FILIP1: variants seen among roughly 807,000 people sequenced by gnomAD.
The protein encoded by FILIP1 is filamin A interacting protein 1.
FILIP1 carries 61 observed loss-of-function variants against 102.1 expected under a neutral mutation model. The observed-to-expected ratio is 0.60, with a 90% CI of 0.49 to 0.74. The LOEUF is 0.74. Among genes scored for constraint, FILIP1 ranks in the 30% least tolerant of loss-of-function variants. The probability of loss-of-function intolerance (pLI) is 0.00; values close to 1 mark genes in which losing one functional copy is unlikely to be tolerated. For synonymous variants in FILIP1, 491 were observed against 526.9 expected (o/e 0.93, Z 0.93); for missense variants, 1,314 against 1,441.2 (o/e 0.91, Z 1.43).
At chr6:75,460,303 A>G (rs1381267320) in intron 1 of FILIP1, among the ~76,000 whole-genome samples, 1 of 152,244 alleles carries the variant, frequency 6.6e-6, no homozygotes, top group Non-Finnish European at 1.5e-5. Flanking sequence ...TACTCTCCCT[A>G]GAATTTAGTA....
At chr6:75,366,887 CCTGA>C (rs1775358404) in intron 2 of FILIP1, among the ~76,000 whole-genome samples, 1 of 152,056 alleles carries the variant, frequency 6.6e-6, no homozygotes, top group African/African-American at 2.4e-5. Context: ...ATTTAATCTC[CCTGA>C]CTGTTTCCTT....
downstream of FILIP1, among the ~76,000 whole-genome samples, chr6:75,304,136 G>A (rs1304865708): frequency 4.6e-5 from 7 of 152,108 alleles, no homozygotes; most frequent in South Asian, 1.4e-3. Context: ...TTTTGAAGGG[G>A]GAAATGTGGT....
intron 2 of FILIP1, among the ~76,000 whole-genome samples, chr6:75,368,246 C>G (rs1043908222): frequency 1.3e-5 from 2 of 152,104 alleles, no homozygotes; most frequent in African/African-American, 4.8e-5. Context: ...GAAGCTGATT[C>G]AAAACATGTG....
At chr6:75,343,346 T>C (rs565043886) in intron 4 of FILIP1, among the ~76,000 whole-genome samples, 74 of 152,344 alleles carry the variant, frequency 4.9e-4, no homozygotes, top group African/African-American at 1.7e-3. Flanking sequence ...TAAGATACTC[T>C]TGGACTCCAC....
At chr6:75,403,164 G>C (rs1776712693) in intron 2 of FILIP1, among the ~76,000 whole-genome samples, 1 of 152,106 alleles carries the variant, frequency 6.6e-6, no homozygotes, top group African/African-American at 2.4e-5. Context: ...GCATTGGGGA[G>C]CAAGTCATTA....
At chr6:75,445,069 C>T (rs1396248200) in intron 1 of FILIP1, among the ~76,000 whole-genome samples, 2 of 152,090 alleles carry the variant, frequency 1.3e-5, no homozygotes, top group South Asian at 2.1e-4. Context: ...TAGTAGGCTA[C>T]GCATTCTGAC....
intron 1 of FILIP1, among the ~76,000 whole-genome samples, chr6:75,421,260 A>G (rs952225905): frequency 6.6e-6 from 1 of 152,152 alleles, no homozygotes; most frequent in Admixed American, 6.6e-5. Flanking sequence ...ACAATTTTGC[A>G]GGATGGAAAG....
intron 1 of FILIP1, among the ~76,000 whole-genome samples, chr6:75,422,764 A>T (rs1777508924): frequency 6.6e-6 from 1 of 152,168 alleles, no homozygotes; most frequent in South Asian, 2.1e-4. Context: ...GCATTGTTGA[A>T]ATTTGCCATT....
intron 1 of FILIP1, among the ~76,000 whole-genome samples, chr6:75,431,135 C>T (rs552724809): frequency 1.5e-4 from 23 of 152,160 alleles, no homozygotes; most frequent in African/African-American, 4.6e-4. Context: ...TGAGCCTTGG[C>T]GGTAGCCATG....
At chr6:75,381,748 T>A (rs1775911724) in intron 2 of FILIP1, among the ~76,000 whole-genome samples, 1 of 152,136 alleles carries the variant, frequency 6.6e-6, no homozygotes, top group African/African-American at 2.4e-5. Flanking sequence ...AAGGACAGAG[T>A]TGAATTTAAA....
chr6:75,302,720 A>G (rs1428206737), intron 6 of FILIP1, among the ~76,000 whole-genome samples: 1 of 152,146 alleles, frequency 6.6e-6, no homozygotes, highest in African/African-American at 2.4e-5. Flanking sequence ...GGAGAAGTAG[A>G]GCCCAGTCAC....
intron 1 of FILIP1, among the ~76,000 whole-genome samples, chr6:75,479,835 C>G (rs1779598103): frequency 7.0e-6 from 1 of 143,518 alleles, no homozygotes; most frequent in South Asian, 2.2e-4. Context: ...TACCGCTACA[C>G]TCCAGCCTGG....
intron 3 of FILIP1, among the ~76,000 whole-genome samples, chr6:75,356,328 C>T (rs1238178322): frequency 6.6e-6 from 1 of 152,174 alleles, no homozygotes; most frequent in Non-Finnish European, 1.5e-5. Flanking sequence ...TATCTTCTTC[C>T]CAGATCTCCA....
chr6:75,428,735 G>A (rs1278020230), intron 1 of FILIP1, among the ~76,000 whole-genome samples: 1 of 152,126 alleles, frequency 6.6e-6, no homozygotes, highest in African/African-American at 2.4e-5. Context: ...TTTTCCAGCA[G>A]GGTCCCTGCT....
intron 1 of FILIP1, among the ~76,000 whole-genome samples, chr6:75,492,327 T>G (rs532808017): frequency 4.1e-4 from 63 of 152,358 alleles, no homozygotes; most frequent in African/African-American, 1.4e-3. Flanking sequence ...AAACTGGTTT[T>G]GGGTAAATTC....
At chr6:75,334,213 C>T (rs1405569813) in intron 4 of FILIP1, among the ~76,000 whole-genome samples, 1 of 152,162 alleles carries the variant, frequency 6.6e-6, no homozygotes, top group Non-Finnish European at 1.5e-5. Context: ...ATTAGTAGGA[C>T]TGCTGGTAGT....
chr6:75,370,473 A>G (rs996950756), intron 2 of FILIP1, among the ~76,000 whole-genome samples: 1 of 151,838 alleles, frequency 6.6e-6, no homozygotes, highest in African/African-American at 2.4e-5. Flanking sequence ...AACAACCTTA[A>G]CTACTTAGCC....
chr6:75,316,990 T>C (rs1773468726), intron 4 of FILIP1, among the ~76,000 whole-genome samples: 1 of 152,242 alleles, frequency 6.6e-6, no homozygotes, highest in African/African-American at 2.4e-5. Flanking sequence ...ATTGAAAACG[T>C]TACTGCTTCC....
chr6:75,294,866 T>TA (rs1457130009), exon 7 of FILIP1: 1 of 135,408 alleles, frequency 7.4e-6, no homozygotes, highest in East Asian at 2.1e-4. Context: ...CTAACTTCTT[T>TA]TTTTTTTTTT....
Sources: gnomAD v4.1 joint callset for allele counts (sites outside exome capture counted in the v4.1 genomes callset) on GRCh38, gnomAD v4.1.1 for gene constraint, MANE v1.5 for transcripts, NCBI Gene and HGNC (gene_info 2026-07-23, HGNC 2026-07-21) for gene names.